Variants in IGF1R observed in about 807,000 individuals in gnomAD.
IGF1R encodes insulin-like growth factor 1 receptor.
Under a neutral mutation model 144.6 loss-of-function variants are expected in IGF1R, and 44 were observed. The ratio of observed to expected loss-of-function variants is 0.30; its 90% CI spans 0.24 to 0.39. IGF1R has a LOEUF of 0.39. Ranked by LOEUF, IGF1R falls within the 10% of genes least tolerant of loss-of-function variation. IGF1R has a pLI of 1.00. For synonymous variants in IGF1R, 795 were observed against 722.8 expected (o/e 1.10, Z -1.60); for missense variants, 1,355 against 1,833.7 (o/e 0.74, Z 4.77).
chr15:98,689,390 C>T (rs1365368113), intron 1 of IGF1R, among the ~76,000 whole-genome samples: 1 of 151,894 alleles, frequency 6.6e-6, no homozygotes, highest in East Asian at 1.9e-4. Flanking sequence ...AGGTGTCTGC[C>T]ACCACACTTG....
intron 1 of IGF1R, among the ~76,000 whole-genome samples, chr15:98,653,296 G>C (rs2052413389): frequency 6.6e-6 from 1 of 152,168 alleles, no homozygotes; most frequent in African/African-American, 2.4e-5. Flanking sequence ...TAGAGTTTAG[G>C]AGCTGAGTCT....
chr15:98,670,317 G>A (rs1195890111), intron 1 of IGF1R, among the ~76,000 whole-genome samples: 1 of 152,020 alleles, frequency 6.6e-6, no homozygotes, highest in Non-Finnish European at 1.5e-5. Flanking sequence ...ATGATCAGAA[G>A]GATTATACTA....
intron 1 of IGF1R, among the ~76,000 whole-genome samples, chr15:98,686,019 A>G (rs2053319229): frequency 1.3e-5 from 2 of 152,214 alleles, no homozygotes; most frequent in Admixed American, 6.5e-5. Context: ...CTGAAACTCC[A>G]TGTCCATCAA....
intron 1 of IGF1R, among the ~76,000 whole-genome samples, chr15:98,698,280 G>T (rs1367763745): frequency 2.0e-5 from 3 of 150,638 alleles, no homozygotes; most frequent in Non-Finnish European, 4.4e-5. Flanking sequence ...CTCGTGATCC[G>T]CCTGCCTCGG....
chr15:98,913,346 T>C, intron 8 of IGF1R, 64 bp downstream of exon 8: 1 of 1,262,524 alleles, frequency 7.9e-7, no homozygotes, highest in Non-Finnish European at 1.2e-6. Context: ...GCCTTGCTTG[T>C]ACCAGGTGTC....
At chr15:98,913,356 C>A in intron 8 of IGF1R, 74 bp downstream of exon 8, 2 of 1,151,284 alleles carry the variant, frequency 1.7e-6, no homozygotes, top group Non-Finnish European at 2.6e-6. Flanking sequence ...TACCAGGTGT[C>A]ATTGTAGGGT....
At chr15:98,864,350 G>A (rs577646500) in intron 2 of IGF1R, among the ~76,000 whole-genome samples, 56 of 152,316 alleles carry the variant, frequency 3.7e-4, no homozygotes, top group Middle Eastern at 6.8e-3. Context: ...TTGGTATGAA[G>A]AAATCATTAT....
intron 1 of IGF1R, among the ~76,000 whole-genome samples, chr15:98,665,993 C>A (rs540943814): frequency 6.6e-6 from 1 of 152,294 alleles, no homozygotes; most frequent in South Asian, 2.1e-4. Context: ...CCAGACTAAC[C>A]AATTTAACAA....
In IGF1R at chr15:98,949,379, C is replaced by CTTT. The variant is rs5814914; in HGVS notation, c.3722+686_3722+688dup. Among the ~76,000 whole-genome samples, 18 of 135,324 alleles carry CTTT rather than the reference C, an allele frequency of 1.3e-4. 1 individual carries two copies. The highest frequency in any genetic ancestry group is 4.3e-4 in the East Asian group (2 of 4,650). 88.8% of individuals were successfully genotyped at this position (135,324 alleles called of 152,430 possible). A position where few individuals can be genotyped will look rare whatever the true frequency, so the allele number is the denominator to read the frequency against. On this transcript the variant is annotated intron_variant, in intron 20 of 20. Transcript: ENST00000650285. ...CTGGTGAATTTGTCTTCTCACTGCA[C>CTTT]TTTTTTTTTTTTTTTTTGAGATGGA...
At chr15:98,861,681 A>C (rs2012166553) in intron 2 of IGF1R, among the ~76,000 whole-genome samples, 1 of 152,160 alleles carries the variant, frequency 6.6e-6, no homozygotes, top group Non-Finnish European at 1.5e-5. Flanking sequence ...CAAGTCAGCA[A>C]GTCTTTGCAC....
rs1482172500 is a variant in IGF1R, at chr15:98,930,247, G to A, written c.2898G>A (p.Arg966=). The A allele has an allele frequency of 4.3e-6, 7 of 1,613,166 alleles. No homozygotes were observed. The highest frequency in any genetic ancestry group is 5.1e-6 in the Non-Finnish European group (6 of 1,179,316). The change falls in exon 15 of 21, where the codon AGG becomes AGA. Residue 966 remains arginine (R), a synonymous_variant. Transcript: ENST00000650285. ...ATCTTTTTGACAGAAATAACAGCAG[G>A]CTGGGGAATGGAGTGCTGTATGCCT... ...YVFHRKRNNS[R]LGNGVLYASV... is the part of the protein sequence containing the mutation.
intron 2 of IGF1R, among the ~76,000 whole-genome samples, chr15:98,826,723 T>C (rs1036458822): frequency 6.6e-6 from 1 of 152,216 alleles, no homozygotes; most frequent in African/African-American, 2.4e-5. Context: ...ATGTAAATGT[T>C]TTAGGGAGCT....
rs535048371 is a variant in IGF1R at position 98,919,772 on chromosome 15, A to C, written c.2202-2376A>C. ...GTTAATATTTGTTTTTTTGCCTCCTACTGAGTTCTGGCAGAGTCCAGGTGA... is the reference window on the plus strand; with the variant it reads ...GTTAATATTTGTTTTTTTGCCTCCTCCTGAGTTCTGGCAGAGTCCAGGTGA... On this transcript the variant is annotated intron_variant, in intron 10 of 20. Transcript: ENST00000650285. Among the ~76,000 whole-genome samples, 42 of 152,298 alleles carry C rather than the reference A, an allele frequency of 2.8e-4. 1 individual carries two copies. The highest frequency in any genetic ancestry group is 4.7e-4 in the Non-Finnish European group (32 of 68,020).
At chr15:98,784,523 A>G (rs534067875) in intron 2 of IGF1R, 4 of 154,050 alleles carry the variant, frequency 2.6e-5, no homozygotes, top group Admixed American at 1.3e-4. Flanking sequence ...CTGCTGAGCA[A>G]TTTAGTCTAG....
chr15:98,811,250 A>G (rs2056583484), intron 2 of IGF1R, among the ~76,000 whole-genome samples: 16 of 150,638 alleles, frequency 1.1e-4, no homozygotes, highest in Admixed American at 1.1e-3. Context: ...GCGGTGAGCC[A>G]TGGCTCATGC....
intron 2 of IGF1R, among the ~76,000 whole-genome samples, chr15:98,752,578 G>A (rs1241232749): frequency 1.3e-5 from 2 of 152,060 alleles, no homozygotes; most frequent in Non-Finnish European, 2.9e-5. Context: ...AGCTACTCTG[G>A]ACGCTGAGGC....
At chr15:98,798,394 C>A (rs1019044542) in intron 2 of IGF1R, among the ~76,000 whole-genome samples, 2 of 152,030 alleles carry the variant, frequency 1.3e-5, no homozygotes, top group African/African-American at 4.8e-5. Flanking sequence ...GCCCTGGAGG[C>A]CACGGTGAGG....
chr15:98,895,534 A>G (rs2014151694), intron 3 of IGF1R, among the ~76,000 whole-genome samples: 1 of 152,200 alleles, frequency 6.6e-6, no homozygotes, highest in Non-Finnish European at 1.5e-5. Context: ...TGTTGAATGC[A>G]ATGGTAGAGG....
intron 2 of IGF1R, among the ~76,000 whole-genome samples, chr15:98,765,897 C>T (rs1185126442): frequency 6.6e-6 from 1 of 152,112 alleles, no homozygotes; most frequent in Non-Finnish European, 1.5e-5. Context: ...CAGTGTTGTC[C>T]TGCTAGTGAT....
Sources: gnomAD v4.1 joint callset for allele counts (sites outside exome capture counted in the v4.1 genomes callset) on GRCh38, gnomAD v4.1.1 for gene constraint, MANE v1.5 for transcripts, NCBI Gene and HGNC (gene_info 2026-07-23, HGNC 2026-07-21) for gene names.